The following HHIPL1 variants were observed in gnomAD, a reference collection of about 807,000 sequenced individuals.
HHIPL1 encodes HHIP like 1.
In HHIPL1, 43 loss-of-function variants were observed where a neutral mutation model predicts 61.8. The ratio of observed to expected loss-of-function variants is 0.70; its 90% CI spans 0.55 to 0.90. HHIPL1 has a LOEUF of 0.90. Ranked by LOEUF, HHIPL1 falls within the 40% of genes least tolerant of loss-of-function variation. The pLI, the probability that HHIPL1 is intolerant of heterozygous loss-of-function variation, is 0.00. For missense variants in HHIPL1, 1,056 were observed against 1,157.7 expected, an observed-to-expected ratio of 0.91 and a Z score of 1.28; for synonymous variants, 482 against 515.8, an observed-to-expected ratio of 0.93 and a Z score of 0.89.
At position 99,657,077 on chromosome 14, in the gene HHIPL1, A is replaced by G. The variant is rs2140069180; in HGVS notation, c.980A>G (p.Tyr327Cys). ...CTTTTCGGGGATGACGGGTACCTCT[A>G]CATCTTCACTGGAGATGGCGGGATG... ...QLLFGDDGYL[Y>C]IFTGDGGMAG... The change falls in exon 3 of 9, where the codon TAC becomes TGC. Residue 327 changes from tyrosine to cysteine, a missense_variant. By Grantham distance (194) the Tyr-to-Cys change is radical. Coordinates refer to ENST00000330710, the MANE Select transcript of HHIPL1 (RefSeq NM_001127258.3). 1 of 1,613,766 alleles carries G rather than the reference A, an allele frequency of 6.2e-7. No homozygotes were observed. The highest frequency in any genetic ancestry group is 8.5e-7 in the Non-Finnish European group (1 of 1,179,848).
the HHIPL1 span, among the ~76,000 whole-genome samples, chr14:99,616,512 C>T: frequency 9.9e-4 from 151 of 152,192 alleles, no homozygotes; most frequent in African/African-American, 3.1e-3. Context: ...GAAAGGCAAG[C>T]GAGAGTGTCT....
At chr14:99,626,767 A>G in the HHIPL1 span, among the ~76,000 whole-genome samples, 1 of 152,212 alleles carries the variant, frequency 6.6e-6, no homozygotes, top group African/African-American at 2.4e-5. Flanking sequence ...CACAGGGCTC[A>G]GGGTCTAGCA....
At chr14:99,607,302 C>A in the HHIPL1 span, among the ~76,000 whole-genome samples, 5 of 152,106 alleles carry the variant, frequency 3.3e-5, no homozygotes, top group African/African-American at 1.2e-4. Flanking sequence ...GCCTCAGTGA[C>A]TTTGCTTCTT....
chr14:99,619,746 A>G, the HHIPL1 span, among the ~76,000 whole-genome samples: 1 of 127,472 alleles, frequency 7.8e-6, no homozygotes, highest in Non-Finnish European at 1.6e-5. Context: ...GCCCTATGTC[A>G]CAGCCAGGTG....
intron 1 of HHIPL1, 74 bp downstream of exon 1, chr14:99,645,536 C>A: frequency 8.1e-7 from 1 of 1,230,376 alleles, no homozygotes; most frequent in Non-Finnish European, 1.0e-6. Context: ...CGGAACCCCG[C>A]GGGGGCGAGG....
At chr14:99,647,087 C>T (rs4900441) in intron 1 of HHIPL1, among the ~76,000 whole-genome samples, 27,618 of 151,924 alleles carry the variant, frequency 0.18, 2,996 homozygotes, top group Non-Finnish European at 0.25. Context: ...GCCCAGTGGT[C>T]GCACAGCCCA....
chr14:99,670,020 T>G (rs1156636569), intron 7 of HHIPL1, among the ~76,000 whole-genome samples: 2 of 152,222 alleles, frequency 1.3e-5, no homozygotes, highest in Non-Finnish European at 2.9e-5. Flanking sequence ...TCCCTTATTA[T>G]GAACACCTCA....
the HHIPL1 span, among the ~76,000 whole-genome samples, chr14:99,637,189 GAAGAAAGAAAGGAAGAAAGAAAGA>G: frequency 1.9e-4 from 15 of 78,388 alleles, no homozygotes; most frequent in African/African-American, 5.8e-4. Context: ...AGAAAGAATG[GAAGAAAGAAAGGAAGAAAGAAAGA>G]AAGAAAGAAA....
the HHIPL1 span, among the ~76,000 whole-genome samples, chr14:99,606,007 G>A: frequency 6.6e-6 from 1 of 152,160 alleles, no homozygotes; most frequent in Non-Finnish European, 1.5e-5. Flanking sequence ...AACATGACCT[G>A]GTTTACCTTT....
At chr14:99,637,229 A>G in the HHIPL1 span, among the ~76,000 whole-genome samples, 61 of 145,820 alleles carry the variant, frequency 4.2e-4, no homozygotes, top group South Asian at 8.6e-4. Flanking sequence ...AGAAAGAAAG[A>G]AAGAAAGAAA....
the HHIPL1 span, among the ~76,000 whole-genome samples, chr14:99,612,112 G>A: frequency 6.6e-6 from 1 of 152,194 alleles, no homozygotes; most frequent in Non-Finnish European, 1.5e-5. Flanking sequence ...AGGCTTGATT[G>A]ACTCACAGTT....
rs780843710 is a variant in HHIPL1 at position 99,675,487 on chromosome 14, C to T, written c.2210C>T (p.Pro737Leu). Reference protein sequence around the residue: ...RAEFGQGGSLPILLDDVRCAG... With the variant: ...RAEFGQGGSLLILLDDVRCAG... ...GAGTTCGGCCAGGGCGGCTCGCTGC[C>T]CATTCTGCTGGACGATGTGCGCTGC... is the stretch of plus-strand genomic sequence containing the variant. Residue 737 changes from proline (P) to leucine (L), a missense_variant, in exon 9 of 9, where the codon CCC becomes CTC. Coordinates refer to ENST00000330710, the MANE Select transcript of HHIPL1 (RefSeq NM_001127258.3). This position sits in a 1 kb window ranked among gnomAD's most constrained non-coding sequence, Gnocchi z 5.4. 6.5e-6 allele frequency: 10 copies of T among 1,542,628 alleles called. No individual in the cohort carries two copies. The highest frequency in any genetic ancestry group is 1.7e-4 in the Middle Eastern group (1 of 5,988).
the HHIPL1 span, among the ~76,000 whole-genome samples, chr14:99,634,127 T>C: frequency 6.6e-6 from 1 of 151,914 alleles, no homozygotes; most frequent in Non-Finnish European, 1.5e-5. Flanking sequence ...CCAGCCGAGG[T>C]CCCCCTGGAG....
chr14:99,615,166 G>A, the HHIPL1 span, among the ~76,000 whole-genome samples: 2 of 152,046 alleles, frequency 1.3e-5, no homozygotes, highest in African/African-American at 4.8e-5. Flanking sequence ...CCAGGGGGAG[G>A]GCAGAGTGAG....
chr14:99,616,352 T>C, the HHIPL1 span, among the ~76,000 whole-genome samples: 1 of 152,218 alleles, frequency 6.6e-6, no homozygotes, highest in Non-Finnish European at 1.5e-5. Context: ...TCCTCGTCAT[T>C]AAGTGACACG....
At chr14:99,653,283 C>T (rs1379838307) in intron 2 of HHIPL1, among the ~76,000 whole-genome samples, 2 of 152,122 alleles carry the variant, frequency 1.3e-5, no homozygotes, top group African/African-American at 2.4e-5. Context: ...CTCCAAAGCC[C>T]GCCCTCTGCC....
chr14:99,675,315 G>T lies in HHIPL1; in HGVS notation c.2038G>T (p.Gly680Cys). The change falls in exon 9 of 9, where the codon GGC becomes TGC. Residue 680 changes from glycine (G) to cysteine (C), a missense_variant. Transcript: ENST00000330710. The surrounding 1 kb of genome is among the most constrained non-coding windows in gnomAD (Gnocchi z 5.4). ...DGEVRLVRPA[G>C]LSSGSGRVEV... ...CGAGGTGCGCCTGGTGCGGCCCGCG[G>T]GCCTGAGCTCTGGCAGCGGGCGCGT... The T allele has an allele frequency of 7.1e-7, 1 of 1,399,624 alleles. No homozygotes were observed. The highest frequency in any genetic ancestry group is 9.3e-7 in the Non-Finnish European group (1 of 1,077,148). The allele number at this position is 1,399,624 out of a possible 1,614,324, so 86.7% of individuals were successfully genotyped here.
At chr14:99,632,826 C>T in the HHIPL1 span, among the ~76,000 whole-genome samples, 17 of 152,272 alleles carry the variant, frequency 1.1e-4, no homozygotes, top group Non-Finnish European at 1.6e-4. Flanking sequence ...GCGATTTCTT[C>T]TCTTGCCAGC....
intron 8 of HHIPL1, among the ~76,000 whole-genome samples, chr14:99,672,988 C>T (rs1160078006): frequency 3.3e-5 from 5 of 152,240 alleles, no homozygotes; most frequent in Admixed American, 1.3e-4. Flanking sequence ...CCTGGGGATA[C>T]AGCACACGGC....
Sources: gnomAD v4.1 joint callset for allele counts (sites outside exome capture counted in the v4.1 genomes callset) on GRCh38, gnomAD v4.1.1 for gene constraint, Gnocchi (gnomAD v3.1) non-coding constraint, MANE v1.5 for transcripts, NCBI Gene and HGNC (gene_info 2026-07-23, HGNC 2026-07-21) for gene names.